Variants in OPCML observed in about 807,000 individuals in gnomAD.
The protein encoded by OPCML is opioid binding protein/cell adhesion molecule like, also known as opioid-binding protein/cell adhesion molecule.
A neutral mutation model predicts 37.8 loss-of-function variants in OPCML; 13 were observed. The observed-to-expected ratio is 0.34, with a 90% CI of 0.22 to 0.55. The LOEUF is 0.55. Among genes scored for constraint, OPCML ranks in the 20% least tolerant of loss-of-function variants. The pLI is 0.91. For synonymous variants in OPCML, 176 were observed against 168.8 expected (o/e 1.04, Z -0.33); for missense variants, 341 against 435.6 (o/e 0.78, Z 1.93).
chr11:133,142,337 T>C (rs1333979294), intron 1 of OPCML, among the ~76,000 whole-genome samples: 2 of 152,206 alleles, frequency 1.3e-5, no homozygotes, highest in Admixed American at 1.3e-4. Flanking sequence ...CCCACTCTGG[T>C]CAGAATGATT....
At position 133,213,223 on chromosome 11, in the gene OPCML, G is replaced by GTT. The variant is rs35872459; in HGVS notation, c.62-270215_62-270214dup. Among the ~76,000 whole-genome samples, 264 of 126,392 alleles carry GTT rather than the reference G, an allele frequency of 2.1e-3. 2 individuals carry two copies. The highest frequency in any genetic ancestry group is 5.5e-3 in the African/African-American group (192 of 34,604). 82.9% of individuals were successfully genotyped at this position (126,392 alleles called of 152,430 possible). A position where few individuals can be genotyped will look rare whatever the true frequency, so the allele number is the denominator to read the frequency against. On this transcript the variant is annotated intron_variant, in intron 1 of 7. Transcript: ENST00000524381. ...AGAGAGGACATGATATTCATAATGA[G>GTT]TTTTTTTTTTTTTTTTTTTGCCAAA... is the stretch of plus-strand genomic sequence containing the variant.
At chr11:133,226,221 C>A (rs995782734) in intron 1 of OPCML, among the ~76,000 whole-genome samples, 1 of 152,284 alleles carries the variant, frequency 6.6e-6, no homozygotes, top group Non-Finnish European at 1.5e-5. Context: ...CTCCACTCCC[C>A]CTCCTGCCCC....
Position 133,084,132 on chromosome 11 carries a change from G to A in OPCML, c.62-141122C>T, listed in dbSNP as rs1006807855. On this transcript the variant is annotated intron_variant, in intron 1 of 7. Coordinates refer to ENST00000524381, the MANE Select transcript of OPCML (RefSeq NM_001012393.5). ...TTGTACCTACCCACAGAAAAGATCT[G>A]TAGGGCAGGCCTTATTGGTTTCATT... Among the ~76,000 whole-genome samples the A allele has an allele frequency of 6.6e-5, 10 of 152,178 alleles. No individual in the cohort carries two copies. The East Asian group carries it at 1.9e-3, about 29-fold the overall frequency.
chr11:132,494,995 C>T (rs1453791046), intron 4 of OPCML, among the ~76,000 whole-genome samples: 1 of 151,018 alleles, frequency 6.6e-6, no homozygotes, highest in Non-Finnish European at 1.5e-5. Context: ...AGGATTTTCT[C>T]TCTCAACAAT....
At chr11:133,315,842 T>C (rs1565567488) in intron 1 of OPCML, among the ~76,000 whole-genome samples, 1 of 152,078 alleles carries the variant, frequency 6.6e-6, no homozygotes, top group Non-Finnish European at 1.5e-5. Context: ...TTGCTCTATA[T>C]TATATATAGC....
At chr11:133,404,749 T>A (rs1945490381) in intron 1 of OPCML, among the ~76,000 whole-genome samples, 1 of 152,150 alleles carries the variant, frequency 6.6e-6, no homozygotes, top group African/African-American at 2.4e-5. Context: ...AATTCAAAGG[T>A]AAACAAATAT....
intron 3 of OPCML, among the ~76,000 whole-genome samples, chr11:132,652,348 A>AC (rs1941468582): frequency 4.0e-5 from 5 of 125,640 alleles, no homozygotes; most frequent in Non-Finnish European, 6.5e-5. Context: ...GAAGAATGAC[A>AC]AACACACACA....
chr11:132,968,086 C>T (rs1449047968), intron 1 of OPCML, among the ~76,000 whole-genome samples: 1 of 152,124 alleles, frequency 6.6e-6, no homozygotes, highest in African/African-American at 2.4e-5. Flanking sequence ...TATATCGACA[C>T]ATTTATCTTG....
At chr11:133,432,764 T>TA (rs1946151345) in intron 1 of OPCML, among the ~76,000 whole-genome samples, 1 of 152,204 alleles carries the variant, frequency 6.6e-6, no homozygotes, top group Admixed American at 6.5e-5. Context: ...GGTGAAGGCA[T>TA]ACTGGGAAAC....
At chr11:133,526,520 C>T (rs1393405734) in intron 1 of OPCML, among the ~76,000 whole-genome samples, 2 of 152,156 alleles carry the variant, frequency 1.3e-5, no homozygotes, top group Non-Finnish European at 2.9e-5. Flanking sequence ...TAGAGGAAGG[C>T]AGTAGCAAGC....
intron 1 of OPCML, among the ~76,000 whole-genome samples, chr11:133,231,085 G>A (rs1262603204): frequency 6.6e-6 from 1 of 152,148 alleles, no homozygotes. Flanking sequence ...AAGGAAGGAG[G>A]CAGAATGAGA....
intron 1 of OPCML, among the ~76,000 whole-genome samples, chr11:133,512,122 A>G (rs1258580044): frequency 6.6e-6 from 1 of 152,172 alleles, no homozygotes; most frequent in Non-Finnish European, 1.5e-5. Context: ...TGGTTCCATA[A>G]GACTACTCCA....
intron 2 of OPCML, among the ~76,000 whole-genome samples, chr11:132,865,574 T>G (rs1942503606): frequency 1.3e-5 from 2 of 152,290 alleles, no homozygotes; most frequent in South Asian, 4.1e-4. Context: ...GCTTACTGTT[T>G]AGAAAGTAGT....
intron 7 of OPCML, among the ~76,000 whole-genome samples, chr11:132,429,303 C>T (rs1471011076): frequency 6.6e-6 from 1 of 152,154 alleles, no homozygotes; most frequent in Non-Finnish European, 1.5e-5. Context: ...CTTGGCCCTG[C>T]TGTGGCAAAC....
chr11:133,180,658 G>C (rs919660718), intron 1 of OPCML, among the ~76,000 whole-genome samples: 6 of 152,168 alleles, frequency 3.9e-5, no homozygotes, highest in Middle Eastern at 3.4e-3. Context: ...GGGAGGAGGG[G>C]CTGTGAGTAG....
intron 1 of OPCML, among the ~76,000 whole-genome samples, chr11:133,287,340 G>A (rs1162825275): frequency 7.5e-6 from 1 of 133,022 alleles, no homozygotes; most frequent in East Asian, 2.2e-4. Context: ...TCAAACTCCT[G>A]GCCTCATGGG....
chr11:132,670,465 A>G (rs148401628), intron 2 of OPCML, among the ~76,000 whole-genome samples: 1 of 152,216 alleles, frequency 6.6e-6, no homozygotes, highest in Admixed American at 6.5e-5. Context: ...GGTTCAAATG[A>G]AACTCACCCA....
chr11:133,261,641 G>A (rs1012380498), intron 1 of OPCML, among the ~76,000 whole-genome samples: 2 of 152,182 alleles, frequency 1.3e-5, no homozygotes, highest in Non-Finnish European at 2.9e-5. Context: ...ATTTTTGTTC[G>A]CTGTCATATC....
chr11:133,073,343 G>A lies in OPCML; in HGVS notation c.62-130333C>T, dbSNP rs529062542. Among the ~76,000 whole-genome samples the A allele has an allele frequency of 4.6e-4, 70 of 152,344 alleles. 1 individual carries two copies. Among genetic ancestry groups the A allele is most frequent in the Admixed American group, 1.2e-3 (18 of 15,310 alleles). On this transcript the variant is annotated intron_variant, in intron 1 of 7. Transcript: ENST00000524381. ...CATTGGCTGGAATGAAAGGAGGACA[G>A]AACTGGTGTGAGTAAGGGCACAGCA... is the stretch of plus-strand genomic sequence containing the variant.
Sources: allele counts gnomAD v4.1 joint callset (sites outside exome capture counted in the v4.1 genomes callset), GRCh38; gene constraint gnomAD v4.1.1; transcripts MANE v1.5; gene names NCBI Gene and HGNC (gene_info 2026-07-23, HGNC 2026-07-21).